PP2D1: variants seen among roughly 807,000 people sequenced by gnomAD.
PP2D1 encodes protein phosphatase 2C-like domain-containing protein 1.
Under a neutral mutation model 30.2 loss-of-function variants are expected in PP2D1, and 25 were observed. The observed-to-expected ratio is 0.83, with a 90% CI of 0.60 to 1.16. The LOEUF is 1.16. Ranked by LOEUF, PP2D1 falls within the 50% of genes most tolerant of loss-of-function variation. PP2D1 has a pLI of 0.00. For missense variants in PP2D1, 760 were observed against 742.4 expected, an observed-to-expected ratio of 1.02 and a Z score of -0.28; for synonymous variants, 260 against 258.9, an observed-to-expected ratio of 1.00 and a Z score of -0.04.
At chr3:20,008,843 G>T (rs766920487) in intron 1 of PP2D1, among the ~76,000 whole-genome samples, 1 of 152,138 alleles carries the variant, frequency 6.6e-6, no homozygotes, top group Non-Finnish European at 1.5e-5. Flanking sequence ...AAATGCACAA[G>T]GTTGCTTTTA....
chr3:19,983,345 CAAAA>C (rs34872300), downstream of PP2D1, among the ~76,000 whole-genome samples: 5 of 92,114 alleles, frequency 5.4e-5, no homozygotes, highest in African/African-American at 8.2e-5. Flanking sequence ...GACTACATCT[CAAAA>C]AAAAAAAAAA....
rs201179163 is a variant in PP2D1 at position 20,001,515 on chromosome 3, C to A, written c.605G>T (p.Cys202Phe). 2.0e-6 allele frequency: 3 copies of A among 1,535,892 alleles called. No homozygotes were observed. The highest frequency in any genetic ancestry group is 2.6e-6 in the Non-Finnish European group (3 of 1,146,692). The part of the protein sequence containing the change: ...VSNFGNKPNV[C>F]FFGLFDGHHG... ...ATGTCCATCAAACAAACCAAAAAAA[C>A]ACACATTAGGTTTGTTACCAAAATT... is the stretch of plus-strand genomic sequence containing the variant. The change falls in exon 2 of 3, where the codon TGT becomes TTT. Residue 202 changes from cysteine to phenylalanine, a missense_variant. By Grantham distance (205) the Cys-to-Phe change is radical. Transcript: ENST00000389050.
chr3:19,986,965 A>AG (rs1697046409), intron 2 of PP2D1, among the ~76,000 whole-genome samples: 1 of 150,690 alleles, frequency 6.6e-6, no homozygotes, highest in Non-Finnish European at 1.5e-5. Context: ...TGAACCCGGG[A>AG]GGTGGAGGTT....
At chr3:20,009,653 A>C (rs1026773562) in intron 1 of PP2D1, among the ~76,000 whole-genome samples, 1 of 152,208 alleles carries the variant, frequency 6.6e-6, no homozygotes, top group Non-Finnish European at 1.5e-5. Flanking sequence ...ACTTCTAGGA[A>C]GGAAAGCCTT....
Position 20,012,056 on chromosome 3 carries a change from G to A in PP2D1, c.17C>T (p.Ala6Val), listed in dbSNP as rs1183856867. ...AAGATTTAAGAAAGTTTACCTTAAAGCATTATTGGTGCTCATGTTCCTTTG... is the reference window on the plus strand; with the variant it reads ...AAGATTTAAGAAAGTTTACCTTAAAACATTATTGGTGCTCATGTTCCTTTG... Reference protein sequence around the residue: MSTNNALRVFWKSREW... With the variant: MSTNNVLRVFWKSREW... Residue 6 changes from alanine to valine, a missense_variant, in exon 1 of 3, where the codon GCT becomes GTT. Ala to Val is a moderately conservative substitution (Grantham distance 64). This residue lies in a region of PP2D1 where 374 missense variants were observed against 388.8 expected (regional missense o/e 0.96). Coordinates refer to ENST00000389050, the MANE Select transcript of PP2D1 (RefSeq NM_001252657.2). The A allele has an allele frequency of 6.5e-7, 1 of 1,531,400 alleles. No individual in the cohort carries two copies. The highest frequency in any genetic ancestry group is 1.4e-5 in the African/African-American group (1 of 72,956). 94.9% of individuals were successfully genotyped at this position (1,531,400 alleles called of 1,614,324 possible).
intron 3 of PP2D1, among the ~76,000 whole-genome samples, chr3:19,980,333 A>G (rs537855163): frequency 1.3e-5 from 2 of 152,310 alleles, no homozygotes; most frequent in East Asian, 1.9e-4. Flanking sequence ...AAAGCAGCCT[A>G]CATATTTTAG....
chr3:20,011,602 C>A (rs1697387595), intron 1 of PP2D1, among the ~76,000 whole-genome samples: 2 of 151,966 alleles, frequency 1.3e-5, no homozygotes, highest in South Asian at 4.2e-4. Context: ...AATTCGAGAC[C>A]AGCCTGGCCA....
intron 2 of PP2D1, among the ~76,000 whole-genome samples, chr3:19,987,768 C>T (rs891931441): frequency 3.3e-5 from 5 of 152,114 alleles, no homozygotes; most frequent in African/African-American, 4.8e-5. Flanking sequence ...AAAAATTAGT[C>T]GGGCGTTGTT....
At chr3:19,980,645 T>C (rs1696908072), downstream of PP2D1, among the ~76,000 whole-genome samples, 1 of 152,212 alleles carries the variant, frequency 6.6e-6, no homozygotes, top group Non-Finnish European at 1.5e-5. Context: ...CATGATTGAT[T>C]ACTCAATCTG....
Position 20,001,563 on chromosome 3 carries a change from T to C in PP2D1, c.557A>G (p.Asn186Ser). Reference sequence around the variant, plus strand: ...ATTACTCACTACAGTGAATTTATCATTCATGTCAGCTTTCCATGTAGAATT... The same window carrying C: ...ATTACTCACTACAGTGAATTTATCACTCATGTCAGCTTTCCATGTAGAATT... ...DRNSTWKADMNDKFTVVSNFG... is the reference protein window; with the variant it reads ...DRNSTWKADMSDKFTVVSNFG... The change falls in exon 2 of 3, where the codon AAT becomes AGT. Residue 186 changes from asparagine (N) to serine (S), a missense_variant. By Grantham distance (46) the Asn-to-Ser change is conservative. Coordinates refer to ENST00000389050, the MANE Select transcript of PP2D1 (RefSeq NM_001252657.2). The C allele has an allele frequency of 6.5e-7, 1 of 1,536,290 alleles. No homozygotes were observed. The highest frequency in any genetic ancestry group is 8.7e-7 in the Non-Finnish European group (1 of 1,146,930).
At chr3:19,984,213 A>G (rs1196694287), downstream of PP2D1, 1 of 423,356 alleles carries the variant, frequency 2.4e-6, no homozygotes, top group Non-Finnish European at 4.6e-6. Flanking sequence ...CTTTTCAAAA[A>G]CATTCTTTGT....
chr3:20,011,375 A>AG lies in PP2D1; in HGVS notation c.23+674_23+675insC, dbSNP rs543690445. On this transcript the variant is annotated intron_variant, in intron 1 of 2. Transcript: ENST00000389050. ...TAAAGCACCGCAACAGTGTGTTTTGATCTGAAGTCAATTACTTGTATCAGA... is the reference window on the plus strand; with the variant it reads ...TAAAGCACCGCAACAGTGTGTTTTGAGTCTGAAGTCAATTACTTGTATCAGA... Among the ~76,000 whole-genome samples, 35 of 152,302 alleles carry AG rather than the reference A, an allele frequency of 2.3e-4. 1 individual carries two copies. Among genetic ancestry groups the AG allele is most frequent in the African/African-American group, 7.5e-4 (31 of 41,576 alleles).
At chr3:19,991,723 CTCAA>C (rs1295989506) in intron 2 of PP2D1, among the ~76,000 whole-genome samples, 1 of 151,976 alleles carries the variant, frequency 6.6e-6, no homozygotes, top group Non-Finnish European at 1.5e-5. Context: ...TATTGTGAGA[CTCAA>C]TAAGCTAATT....
chr3:19,994,706 G>C (rs1697156180), intron 2 of PP2D1, among the ~76,000 whole-genome samples: 1 of 152,180 alleles, frequency 6.6e-6, no homozygotes, highest in South Asian at 2.1e-4. Context: ...GTTTTGAAGA[G>C]ACAGAGCCAA....
At chr3:19,981,641 CA>C (rs1393463512), downstream of PP2D1, among the ~76,000 whole-genome samples, 1 of 151,544 alleles carries the variant, frequency 6.6e-6, no homozygotes, top group Non-Finnish European at 1.5e-5. Flanking sequence ...AAATCAAAAA[CA>C]TACAACTTAG....
intron 1 of PP2D1, among the ~76,000 whole-genome samples, chr3:20,008,862 T>C (rs1238675529): frequency 1.3e-5 from 2 of 152,044 alleles, no homozygotes; most frequent in Non-Finnish European, 2.9e-5. Context: ...TAGCCTCAAA[T>C]GAGGTAAACG....
chr3:20,008,436 T>A lies in PP2D1; in HGVS notation c.23+3614A>T, dbSNP rs540846980. 2.6e-5 allele frequency among the ~76,000 whole-genome samples: 4 copies of A among 152,014 alleles called. No homozygotes were observed. The South Asian group carries it at 8.3e-4, about 32-fold the overall frequency. On this transcript the variant is annotated intron_variant, in intron 1 of 2. Transcript: ENST00000389050. ...TACAAAATTACCTAGGAGTGGTGGC[T>A]CATGTCTGTAATCCGAGCTACTCGG...
downstream of PP2D1, chr3:19,984,565 CTAAT>C (rs1696996299): frequency 5.6e-6 from 1 of 177,516 alleles, no homozygotes. Context: ...TCTGTGATTT[CTAAT>C]TAATCACCGC....
At chr3:19,989,025 G>A (rs1286677964) in intron 2 of PP2D1, among the ~76,000 whole-genome samples, 1 of 152,172 alleles carries the variant, frequency 6.6e-6, no homozygotes, top group East Asian at 1.9e-4. Flanking sequence ...AACTAGTATA[G>A]TGGTATAATT....
Sources: gnomAD v4.1 joint callset for allele counts (sites outside exome capture counted in the v4.1 genomes callset) on GRCh38, gnomAD v4.1.1 for gene constraint, gnomAD v4.1.1 regional missense constraint, MANE v1.5 for transcripts, NCBI Gene and HGNC (gene_info 2026-07-23, HGNC 2026-07-21) for gene names.